ATP8A2: variants seen among roughly 807,000 people sequenced by gnomAD.
ATP8A2 encodes ATPase phospholipid transporting 8A2, also known as phospholipid-transporting ATPase IB.
In ATP8A2, 100 loss-of-function variants were observed where a neutral mutation model predicts 165.6. The ratio of observed to expected loss-of-function variants is 0.60; its 90% CI spans 0.51 to 0.71. The LOEUF (loss-of-function observed/expected upper bound fraction) is 0.71. Ranked by LOEUF, ATP8A2 falls within the 30% of genes least tolerant of loss-of-function variation. The pLI is 0.00. For synonymous variants in ATP8A2, 543 were observed against 548.8 expected, an observed-to-expected ratio of 0.99 and a Z score of 0.15; for missense variants, 1,227 against 1,479.5, an observed-to-expected ratio of 0.83 and a Z score of 2.80.
At chr13:26,009,709 G>T (rs557423463) in intron 35 of ATP8A2, among the ~76,000 whole-genome samples, 1 of 152,320 alleles carries the variant, frequency 6.6e-6, no homozygotes, top group East Asian at 1.9e-4. Flanking sequence ...CTCACAGTGT[G>T]TGGAGGAAGG....
At chr13:26,000,915 C>T (rs1464640095) in intron 35 of ATP8A2, among the ~76,000 whole-genome samples, 1 of 152,094 alleles carries the variant, frequency 6.6e-6, no homozygotes, top group Non-Finnish European at 1.5e-5. Flanking sequence ...TTATAGTTTG[C>T]CATACATGGC....
In ATP8A2 at chr13:25,429,585, T is replaced by C. The variant is rs74489826; in HGVS notation, c.77-39392T>C. 2.0e-4 allele frequency among the ~76,000 whole-genome samples: 31 copies of C among 152,172 alleles called. No homozygotes were observed. The East Asian group carries it at 5.8e-3, about 28-fold the overall frequency. On this transcript the variant is annotated intron_variant, in intron 1 of 36. Coordinates refer to ENST00000381655, the MANE Select transcript of ATP8A2 (RefSeq NM_016529.6). ...TCAAGTGTATTAATTATTAAAGAAA[T>C]GAGTCACCTTAATAGACTGCCACAT...
intron 1 of ATP8A2, among the ~76,000 whole-genome samples, chr13:25,427,697 C>T (rs1271217974): frequency 2.0e-5 from 3 of 151,888 alleles, no homozygotes; most frequent in Non-Finnish European, 2.9e-5. Context: ...AGATCGAGAC[C>T]ATGCTGGCCA....
In ATP8A2 at chr13:25,996,886, A is replaced by C. The variant is rs149801483; in HGVS notation, c.3378-15645A>C. On this transcript the variant is annotated intron_variant, in intron 35 of 36. Coordinates refer to ENST00000381655, the MANE Select transcript of ATP8A2 (RefSeq NM_016529.6). ...TTTAGTAGAGACAAGGTTTCACCAC[A>C]TTAGCCAGGCTGGTCTCGAACTCCT... Among the ~76,000 whole-genome samples, 577 of 152,268 alleles carry C rather than the reference A, an allele frequency of 3.8e-3. 4 individuals carry two copies. Among genetic ancestry groups the C allele is most frequent in the African/African-American group, 0.012 (507 of 41,556 alleles).
intron 24 of ATP8A2, among the ~76,000 whole-genome samples, chr13:25,629,492 A>G (rs1274659931): frequency 6.6e-6 from 1 of 152,038 alleles, no homozygotes; most frequent in Admixed American, 6.6e-5. Context: ...CATTAGTAAT[A>G]CTCTTTCCTT....
chr13:25,902,940 CACACACACACACA>C (rs1953804734), intron 33 of ATP8A2, among the ~76,000 whole-genome samples: 1 of 53,444 alleles, frequency 1.9e-5, no homozygotes, highest in African/African-American at 1.1e-4. Flanking sequence ...CCTCAGCATG[CACACACACACACA>C]CACACACACA....
At chr13:25,887,347 T>C (rs1232190600) in intron 33 of ATP8A2, among the ~76,000 whole-genome samples, 2 of 151,988 alleles carry the variant, frequency 1.3e-5, no homozygotes, top group Non-Finnish European at 2.9e-5. Flanking sequence ...TCCAACTCTT[T>C]TTTTTTTTAA....
At chr13:25,869,172 A>C (rs1179112997) in intron 33 of ATP8A2, among the ~76,000 whole-genome samples, 1 of 152,126 alleles carries the variant, frequency 6.6e-6, no homozygotes, top group African/African-American at 2.4e-5. Flanking sequence ...CAGCCTGTAA[A>C]TATTTGGATT....
chr13:25,637,337 G>T (rs2041397208), intron 24 of ATP8A2, among the ~76,000 whole-genome samples: 1 of 152,080 alleles, frequency 6.6e-6, no homozygotes, highest in Non-Finnish European at 1.5e-5. Flanking sequence ...AGCACAAGGG[G>T]TCAGGGAATT....
At chr13:25,766,264 C>G (rs2044488543) in intron 25 of ATP8A2, among the ~76,000 whole-genome samples, 1 of 152,104 alleles carries the variant, frequency 6.6e-6, no homozygotes, top group Non-Finnish European at 1.5e-5. Flanking sequence ...TTTGCACAGC[C>G]CTTAGACCAA....
At chr13:25,874,451 C>A (rs565090936) in intron 33 of ATP8A2, among the ~76,000 whole-genome samples, 3 of 152,200 alleles carry the variant, frequency 2.0e-5, no homozygotes, top group Non-Finnish European at 4.4e-5. Flanking sequence ...GTTTACCTTT[C>A]GCTTGTTGTA....
chr13:25,479,301 T>C (rs1474256917), intron 2 of ATP8A2, among the ~76,000 whole-genome samples: 3 of 152,242 alleles, frequency 2.0e-5, no homozygotes, highest in African/African-American at 7.2e-5. Flanking sequence ...CACAGTCTTC[T>C]CTATTATTTT....
intron 33 of ATP8A2, among the ~76,000 whole-genome samples, chr13:25,908,077 C>T (rs1432477669): frequency 1.3e-5 from 2 of 152,172 alleles, no homozygotes; most frequent in Non-Finnish European, 2.9e-5. Context: ...TCTACCCTAG[C>T]AGACTATCAA....
chr13:25,727,699 T>C (rs17082705), intron 25 of ATP8A2, among the ~76,000 whole-genome samples: 1 of 152,286 alleles, frequency 6.6e-6, no homozygotes, highest in Non-Finnish European at 1.5e-5. Context: ...TAAACGTAAT[T>C]GTAGATTAAC....
At chr13:25,446,372 C>A (rs1248261476) in intron 1 of ATP8A2, among the ~76,000 whole-genome samples, 5 of 152,186 alleles carry the variant, frequency 3.3e-5, no homozygotes, top group Non-Finnish European at 2.9e-5. Context: ...TAAATCTCTT[C>A]ATGTATCTGC....
intron 4 of ATP8A2, among the ~76,000 whole-genome samples, chr13:25,531,697 A>G (rs2038119613): frequency 6.6e-6 from 1 of 152,060 alleles, no homozygotes. Flanking sequence ...GGAAAACTCC[A>G]CACCTGACCT....
In ATP8A2 at chr13:25,760,718, A is replaced by C. The variant is rs373859151; in HGVS notation, c.2385-8328A>C. On this transcript the variant is annotated intron_variant, in intron 25 of 36. Coordinates refer to ENST00000381655, the MANE Select transcript of ATP8A2 (RefSeq NM_016529.6). ...AACAAGGAAATTATTAGTAAATGTT[A>C]ATGTATTTTTGCAGTAGCATATTAA... Among the ~76,000 whole-genome samples the C allele has an allele frequency of 1.2e-4, 19 of 152,336 alleles. 1 individual carries two copies. The South Asian group carries it at 3.1e-3, about 25-fold the overall frequency.
intron 1 of ATP8A2, among the ~76,000 whole-genome samples, chr13:25,434,894 C>T (rs1265309453): frequency 2.0e-5 from 3 of 152,156 alleles, no homozygotes; most frequent in Admixed American, 6.6e-5. Flanking sequence ...ATTACTGACA[C>T]AAGTATGGCT....
intron 33 of ATP8A2, among the ~76,000 whole-genome samples, chr13:25,881,736 C>T (rs1385783519): frequency 6.6e-6 from 1 of 152,168 alleles, no homozygotes; most frequent in Non-Finnish European, 1.5e-5. Context: ...AGGTGTTTCC[C>T]TCAGTAACCC....
Sources: allele counts gnomAD v4.1 joint callset (sites outside exome capture counted in the v4.1 genomes callset), GRCh38; gene constraint gnomAD v4.1.1; transcripts MANE v1.5; gene names NCBI Gene and HGNC (gene_info 2026-07-23, HGNC 2026-07-21).